The following WWOX variants were observed in gnomAD, a reference collection of about 807,000 sequenced individuals.
WWOX encodes the protein WW domain containing oxidoreductase, also known as WW domain-containing oxidoreductase.
WWOX carries 69 observed loss-of-function variants against 46.2 expected under a neutral mutation model. The ratio of observed to expected loss-of-function variants is 1.49; its 90% CI spans 1.23 to 1.82. The LOEUF (loss-of-function observed/expected upper bound fraction) is 1.82. WWOX is among the 40% of genes most tolerant of loss of function. The pLI, the probability that WWOX is intolerant of heterozygous loss-of-function variation, is 0.00. For missense variants in WWOX, 919 were observed against 542.6 expected, an observed-to-expected ratio of 1.69 and a Z score of -6.89; for synonymous variants, 359 against 202.6, an observed-to-expected ratio of 1.77 and a Z score of -6.56.
intron 8 of WWOX, among the ~76,000 whole-genome samples, chr16:78,638,128 A>G (rs1415139138): frequency 6.6e-6 from 1 of 152,168 alleles, no homozygotes; most frequent in African/African-American, 2.4e-5. Flanking sequence ...GCCCAATATC[A>G]GGCACTACCC....
intron 7 of WWOX, among the ~76,000 whole-genome samples, chr16:78,429,305 G>C (rs2083162147): frequency 6.6e-6 from 1 of 152,194 alleles, no homozygotes; most frequent in South Asian, 2.1e-4. Context: ...CACTAGGAAT[G>C]GTGTCATGGC....
intron 4 of WWOX, among the ~76,000 whole-genome samples, chr16:78,123,013 A>G (rs2033173200): frequency 6.6e-6 from 1 of 152,200 alleles, no homozygotes; most frequent in African/African-American, 2.4e-5. Flanking sequence ...CAAAAGAGGC[A>G]GCATTGCAAT....
intron 8 of WWOX, among the ~76,000 whole-genome samples, chr16:79,067,766 G>C (rs957557112): frequency 6.6e-6 from 1 of 152,184 alleles, no homozygotes; most frequent in Non-Finnish European, 1.5e-5. Context: ...CAAATGCACA[G>C]AAGTGGGTAT....
At chr16:78,905,122 A>G (rs575511636) in intron 8 of WWOX, among the ~76,000 whole-genome samples, 15 of 152,266 alleles carry the variant, frequency 9.9e-5, no homozygotes, top group South Asian at 4.2e-4. Context: ...GAGGCCTTCA[A>G]TGACTCTGAT....
rs1344715841 is a variant in WWOX, at chr16:78,344,462, T to C, written c.517-42398T>C. Among the ~76,000 whole-genome samples, 2 of 121,776 alleles carry C rather than the reference T, an allele frequency of 1.6e-5. 1 individual carries two copies. The highest frequency in any genetic ancestry group is 1.6e-4 in the Admixed American group (2 of 12,586). 79.9% of individuals were successfully genotyped at this position (121,776 alleles called of 152,430 possible). On this transcript the variant is annotated intron_variant, in intron 5 of 8. Transcript: ENST00000566780. ...TTACCACGAGGAACCTGTTCTCTTATGTTTCTGCTTAGATGGCTGGGTCTA... is the reference window on the plus strand; with the variant it reads ...TTACCACGAGGAACCTGTTCTCTTACGTTTCTGCTTAGATGGCTGGGTCTA...
At chr16:78,971,510 A>G (rs571004873) in intron 8 of WWOX, among the ~76,000 whole-genome samples, 1 of 151,634 alleles carries the variant, frequency 6.6e-6, no homozygotes, top group Non-Finnish European at 1.5e-5. Flanking sequence ...GTCGTAGGTC[A>G]TGTATCTACA....
chr16:78,775,400 A>C (rs2050164092), intron 8 of WWOX, among the ~76,000 whole-genome samples: 1 of 152,098 alleles, frequency 6.6e-6, no homozygotes, highest in Non-Finnish European at 1.5e-5. Context: ...ACAGGGCCTG[A>C]CTTTTACCCC....
intron 8 of WWOX, among the ~76,000 whole-genome samples, chr16:79,063,650 G>A (rs1295900859): frequency 6.6e-6 from 1 of 152,220 alleles, no homozygotes; most frequent in Non-Finnish European, 1.5e-5. Flanking sequence ...TTGCGCGCTA[G>A]AGTGATGTTT....
intron 8 of WWOX, among the ~76,000 whole-genome samples, chr16:78,937,580 C>T (rs948155989): frequency 3.4e-5 from 5 of 149,252 alleles, no homozygotes; most frequent in Non-Finnish European, 5.9e-5. Context: ...CAGGCATCTG[C>T]CACCGTGCCC....
intron 5 of WWOX, among the ~76,000 whole-genome samples, chr16:78,219,786 C>G (rs181494364): frequency 7.9e-5 from 12 of 152,248 alleles, no homozygotes; most frequent in Admixed American, 1.3e-4. Context: ...CAAATCTCTT[C>G]TCTTTTCCTT....
At chr16:78,985,069 C>T (rs2046758425) in intron 8 of WWOX, among the ~76,000 whole-genome samples, 1 of 152,228 alleles carries the variant, frequency 6.6e-6, no homozygotes, top group Admixed American at 6.5e-5. Flanking sequence ...AGGAGCCAAG[C>T]TCTGGCCGCC....
intron 6 of WWOX, among the ~76,000 whole-genome samples, chr16:78,402,598 C>T (rs74028184): frequency 6.6e-6 from 1 of 152,012 alleles, no homozygotes; most frequent in Admixed American, 6.6e-5. Flanking sequence ...AGGAGAGTTC[C>T]CTGGGACGTG....
intron 8 of WWOX, among the ~76,000 whole-genome samples, chr16:79,155,560 G>A (rs1381452952): frequency 6.6e-6 from 1 of 152,116 alleles, no homozygotes; most frequent in African/African-American, 2.4e-5. Flanking sequence ...AAACTACATG[G>A]TTGGCTGGAT....
chr16:78,917,145 C>G (rs575249283), intron 8 of WWOX, among the ~76,000 whole-genome samples: 1 of 152,228 alleles, frequency 6.6e-6, no homozygotes, highest in East Asian at 1.9e-4. Flanking sequence ...GACAACATGC[C>G]CACTCTCAAC....
At chr16:79,077,696 A>G (rs1317597718) in intron 8 of WWOX, among the ~76,000 whole-genome samples, 1 of 151,888 alleles carries the variant, frequency 6.6e-6, no homozygotes, top group Non-Finnish European at 1.5e-5. Context: ...ATCTAATGAA[A>G]TACCAGCAAG....
intron 8 of WWOX, among the ~76,000 whole-genome samples, chr16:78,924,494 T>A (rs888051296): frequency 3.3e-5 from 5 of 152,200 alleles, no homozygotes; most frequent in African/African-American, 1.2e-4. Context: ...TGCAGGCTAC[T>A]TGGTTGTACT....
At chr16:78,396,635 A>T (rs1340565612) in intron 6 of WWOX, among the ~76,000 whole-genome samples, 6 of 152,184 alleles carry the variant, frequency 3.9e-5, no homozygotes, top group Non-Finnish European at 8.8e-5. Context: ...AAATAATGTT[A>T]ATTATTGTTG....
chr16:78,613,288 A>G (rs935436863), intron 8 of WWOX, among the ~76,000 whole-genome samples: 4 of 152,138 alleles, frequency 2.6e-5, no homozygotes, highest in Admixed American at 1.3e-4. Flanking sequence ...TCTTTCAGAA[A>G]CATGAGCGTA....
intron 8 of WWOX, among the ~76,000 whole-genome samples, chr16:78,937,448 CTTTTTTTTTTTT>C (rs537642648): frequency 1.2e-5 from 1 of 81,988 alleles, no homozygotes; most frequent in South Asian, 4.6e-4. Context: ...TTTGTATTAA[CTTTTTTTTTTTT>C]TTTTTTTTTT....
Sources: gnomAD v4.1 joint callset for allele counts (sites outside exome capture counted in the v4.1 genomes callset) on GRCh38, gnomAD v4.1.1 for gene constraint, MANE v1.5 for transcripts, NCBI Gene and HGNC (gene_info 2026-07-23, HGNC 2026-07-21) for gene names.